CLVS1: variants seen among roughly 807,000 people sequenced by gnomAD.
The protein encoded by CLVS1 is clavesin-1.
In CLVS1, 10 loss-of-function variants were observed where a neutral mutation model predicts 33.1. That is an observed-to-expected ratio of 0.30 (90% confidence interval 0.19 to 0.51). The LOEUF is 0.51. CLVS1 is among the 20% of genes least tolerant of loss of function. The probability of loss-of-function intolerance (pLI) is 0.97; values close to 1 mark genes in which losing one functional copy is unlikely to be tolerated. For missense variants in CLVS1, 343 were observed against 433.4 expected (o/e 0.79, Z 1.85); for synonymous variants, 163 against 166.1 (o/e 0.98, Z 0.14).
chr8:61,038,259 C>T, the CLVS1 span, among the ~76,000 whole-genome samples: 1 of 152,074 alleles, frequency 6.6e-6, no homozygotes, highest in African/African-American at 2.4e-5. Context: ...GCTTCCGTGG[C>T]TCCCAACCCA....
intron 2 of CLVS1, among the ~76,000 whole-genome samples, chr8:61,178,363 A>G (rs913304140): frequency 6.6e-6 from 1 of 152,200 alleles, no homozygotes; most frequent in African/African-American, 2.4e-5. Flanking sequence ...GACCAAACCT[A>G]TGATTGATTG....
chr8:61,187,094 C>T (rs987055927), intron 2 of CLVS1, among the ~76,000 whole-genome samples: 3 of 151,644 alleles, frequency 2.0e-5, no homozygotes, highest in African/African-American at 7.3e-5. Context: ...AATTATACAG[C>T]GATGAGTGTT....
upstream of CLVS1, among the ~76,000 whole-genome samples, chr8:61,053,936 T>G (rs1804429422): frequency 6.6e-6 from 1 of 152,156 alleles, no homozygotes; most frequent in African/African-American, 2.4e-5. Flanking sequence ...CTGGCTCCAG[T>G]CCTGCCCAAG....
At chr8:61,336,248 TC>T (rs1449035227) in intron 2 of CLVS1, among the ~76,000 whole-genome samples, 1 of 152,188 alleles carries the variant, frequency 6.6e-6, no homozygotes, top group Non-Finnish European at 1.5e-5. Context: ...GATTCACATT[TC>T]CTTCTCAGGA....
the CLVS1 span, among the ~76,000 whole-genome samples, chr8:61,041,876 G>A: frequency 1.1e-4 from 16 of 152,164 alleles, no homozygotes; most frequent in African/African-American, 2.9e-4. Context: ...TGCCTGGATA[G>A]GACTTCCTGT....
intron 1 of CLVS1, among the ~76,000 whole-genome samples, chr8:61,072,551 G>A (rs931392646): frequency 1.3e-5 from 2 of 152,136 alleles, no homozygotes; most frequent in Non-Finnish European, 2.9e-5. Context: ...GAAAAGCAAC[G>A]AAAGATGCAT....
intron 2 of CLVS1, among the ~76,000 whole-genome samples, chr8:61,148,988 T>G (rs1278602959): frequency 6.6e-6 from 1 of 152,150 alleles, no homozygotes; most frequent in Non-Finnish European, 1.5e-5. Context: ...GAGGACCCAT[T>G]TATGGTCCCC....
intron 1 of CLVS1, among the ~76,000 whole-genome samples, chr8:61,118,727 G>A (rs1805795558): frequency 6.6e-6 from 1 of 152,026 alleles, no homozygotes; most frequent in Non-Finnish European, 1.5e-5. Context: ...TTGCACTGTG[G>A]TCTGAGAGAT....
At chr8:61,476,205 T>TA (rs1412361443) in intron 5 of CLVS1, among the ~76,000 whole-genome samples, 24 of 152,252 alleles carry the variant, frequency 1.6e-4, no homozygotes, top group African/African-American at 5.3e-4. Flanking sequence ...TGTAGCCTTG[T>TA]AGCATAGTTT....
intron 1 of CLVS1, among the ~76,000 whole-genome samples, chr8:61,111,354 G>T (rs1329949729): frequency 6.6e-6 from 1 of 152,090 alleles, no homozygotes; most frequent in Admixed American, 6.5e-5. Flanking sequence ...GAAGAGAAGG[G>T]TGTCATTTTC....
intron 2 of CLVS1, among the ~76,000 whole-genome samples, chr8:61,339,655 G>T (rs184543135): frequency 7.5e-4 from 114 of 152,030 alleles, no homozygotes; most frequent in African/African-American, 2.7e-3. Flanking sequence ...GTATGCAGGA[G>T]AGTAACCCTC....
chr8:61,477,857 C>A (rs947446349), intron 5 of CLVS1, among the ~76,000 whole-genome samples: 1 of 152,124 alleles, frequency 6.6e-6, no homozygotes, highest in Admixed American at 6.5e-5. Flanking sequence ...AATGTGTTAG[C>A]TCTTGCTTCT....
At chr8:61,063,629 A>G (rs1804625920) in intron 1 of CLVS1, among the ~76,000 whole-genome samples, 1 of 152,210 alleles carries the variant, frequency 6.6e-6, no homozygotes, top group South Asian at 2.1e-4. Flanking sequence ...GAGCCATTGA[A>G]GGGTTTGAAG....
chr8:60,970,022 G>A, the CLVS1 span, among the ~76,000 whole-genome samples: 2 of 152,082 alleles, frequency 1.3e-5, no homozygotes, highest in South Asian at 2.1e-4. Context: ...CGCCTCCCCC[G>A]ATACGTCAAG....
intron 1 of CLVS1, among the ~76,000 whole-genome samples, chr8:61,074,466 G>T (rs200859164): frequency 2.0e-5 from 2 of 99,550 alleles, no homozygotes; most frequent in Non-Finnish European, 3.4e-5. Context: ...GTATATATAT[G>T]TTATATATAT....
At chr8:61,256,449 C>T (rs547610521) in intron 2 of CLVS1, among the ~76,000 whole-genome samples, 12 of 152,166 alleles carry the variant, frequency 7.9e-5, no homozygotes, top group Non-Finnish European at 1.5e-4. Context: ...GGAGGCGGAG[C>T]TTGCAGTGAG....
At chr8:61,190,982 C>T (rs1427638731) in intron 2 of CLVS1, among the ~76,000 whole-genome samples, 6 of 152,148 alleles carry the variant, frequency 3.9e-5, no homozygotes, top group Non-Finnish European at 8.8e-5. Flanking sequence ...TGAAACTATT[C>T]CAATCAATAG....
intron 1 of CLVS1, among the ~76,000 whole-genome samples, chr8:61,125,103 A>T (rs1014114452): frequency 6.6e-6 from 1 of 152,182 alleles, no homozygotes; most frequent in African/African-American, 2.4e-5. Context: ...TAAATTGATA[A>T]GGAAATTGAG....
At chr8:61,223,796 C>T (rs1209212309) in intron 2 of CLVS1, among the ~76,000 whole-genome samples, 2 of 152,120 alleles carry the variant, frequency 1.3e-5, no homozygotes, top group Non-Finnish European at 2.9e-5. Flanking sequence ...TCCATTCTCT[C>T]CAACTCTTTC....
Sources: gnomAD v4.1 joint callset for allele counts (sites outside exome capture counted in the v4.1 genomes callset) on GRCh38, gnomAD v4.1.1 for gene constraint, MANE v1.5 for transcripts, NCBI Gene and HGNC (gene_info 2026-07-23, HGNC 2026-07-21) for gene names.